AFG2A: variants seen among roughly 807,000 people sequenced by gnomAD.
The protein encoded by AFG2A is ATPase family gene 2 protein homolog A.
chr4:123,121,260 AT>A, the AFG2A span, among the ~76,000 whole-genome samples: 63,594 of 122,788 alleles, frequency 0.52, 14,564 homozygotes, highest in Non-Finnish European at 0.63. Flanking sequence ...AAAAAAAAAA[AT>A]AATAAATAAA....
chr4:123,273,805 T>A, the AFG2A span, among the ~76,000 whole-genome samples: 924 of 152,266 alleles, frequency 6.1e-3, 4 homozygotes, highest in African/African-American at 0.021. Context: ...TAGACTTGGA[T>A]CCCATCCCCA....
At chr4:123,313,572 C>T in the AFG2A span, among the ~76,000 whole-genome samples, 8 of 152,314 alleles carry the variant, frequency 5.3e-5, no homozygotes, top group Non-Finnish European at 8.8e-5. Flanking sequence ...AAAGTATGTG[C>T]GTGCACAGCT....
At chr4:123,055,775 A>G in the AFG2A span, among the ~76,000 whole-genome samples, 1 of 152,162 alleles carries the variant, frequency 6.6e-6, no homozygotes, top group Non-Finnish European at 1.5e-5. Flanking sequence ...ATGTATGAGG[A>G]ACTGTGTCAG....
chr4:123,007,638 AC>A, the AFG2A span, among the ~76,000 whole-genome samples: 2 of 24,460 alleles, frequency 8.2e-5, no homozygotes, highest in East Asian at 2.8e-3. Flanking sequence ...ATACACACAC[AC>A]ACAACACACA....
the AFG2A span, among the ~76,000 whole-genome samples, chr4:123,086,424 A>G: frequency 3.3e-5 from 5 of 152,052 alleles, no homozygotes; most frequent in Non-Finnish European, 7.4e-5. Flanking sequence ...GGTGGTCCCC[A>G]CCCCTCGACA....
the AFG2A span, among the ~76,000 whole-genome samples, chr4:123,303,922 A>G: frequency 2.7e-5 from 4 of 150,376 alleles, no homozygotes; most frequent in Non-Finnish European, 5.9e-5. Context: ...ATAATCCCAG[A>G]TGGATTAATT....
chr4:123,073,319 G>T, the AFG2A span, among the ~76,000 whole-genome samples: 1 of 150,562 alleles, frequency 6.6e-6, no homozygotes, highest in African/African-American at 2.4e-5. Context: ...TTTACTTTTT[G>T]AAACAGTAAA....
At chr4:122,963,034 C>G in the AFG2A span, among the ~76,000 whole-genome samples, 3 of 152,098 alleles carry the variant, frequency 2.0e-5, no homozygotes, top group African/African-American at 7.2e-5. Flanking sequence ...TAGTAGTTAA[C>G]ATGGTGAAGC....
At chr4:123,226,423 G>A in the AFG2A span, among the ~76,000 whole-genome samples, 4 of 151,278 alleles carry the variant, frequency 2.6e-5, no homozygotes, top group Admixed American at 6.6e-5. Context: ...TAGCATGAAG[G>A]GTTGTTGAAT....
At chr4:123,043,041 G>T in the AFG2A span, among the ~76,000 whole-genome samples, 66 of 152,108 alleles carry the variant, frequency 4.3e-4, 1 homozygote. Context: ...TTTAGAAATT[G>T]TTTTAATATT....
chr4:123,280,364 GTT>G, the AFG2A span, among the ~76,000 whole-genome samples: 1 of 152,004 alleles, frequency 6.6e-6, no homozygotes, highest in Admixed American at 6.6e-5. Flanking sequence ...AATTAATAAA[GTT>G]CGGTTCCTTT....
the AFG2A span, chr4:122,934,865 G>A: frequency 8.3e-7 from 1 of 1,211,818 alleles, no homozygotes; most frequent in South Asian, 1.8e-5. Context: ...TATGGTAGAA[G>A]ATTTCAGTTG....
the AFG2A span, among the ~76,000 whole-genome samples, chr4:123,160,179 A>G: frequency 6.6e-6 from 1 of 152,152 alleles, no homozygotes; most frequent in Non-Finnish European, 1.5e-5. Flanking sequence ...GGTTATTTAT[A>G]TGAGATTTTT....
chr4:123,003,892 C>G, the AFG2A span, among the ~76,000 whole-genome samples: 2 of 152,270 alleles, frequency 1.3e-5, no homozygotes, highest in East Asian at 1.9e-4. Flanking sequence ...TTTTGTTTGT[C>G]TGTGCCCTGC....
chr4:123,312,983 T>C, the AFG2A span, among the ~76,000 whole-genome samples: 1 of 152,246 alleles, frequency 6.6e-6, no homozygotes, highest in African/African-American at 2.4e-5. Flanking sequence ...TTTACCAATA[T>C]AAGGGCGCAG....
the AFG2A span, among the ~76,000 whole-genome samples, chr4:123,055,831 A>G: frequency 3.5e-3 from 529 of 152,328 alleles, 2 homozygotes; most frequent in Non-Finnish European, 6.0e-3. Flanking sequence ...GAGGTCATCT[A>G]TCATTATGGG....
chr4:122,952,237 G>A, the AFG2A span, among the ~76,000 whole-genome samples: 1 of 152,178 alleles, frequency 6.6e-6, no homozygotes, highest in Non-Finnish European at 1.5e-5. Flanking sequence ...GTATGTCTCT[G>A]CCTTTGCCAC....
chr4:123,176,339 G>A, the AFG2A span, among the ~76,000 whole-genome samples: 1 of 152,162 alleles, frequency 6.6e-6, no homozygotes, highest in African/African-American at 2.4e-5. Context: ...TCTCAGACCA[G>A]CTCATGATAA....
chr4:123,176,697 A>G, the AFG2A span, among the ~76,000 whole-genome samples: 1 of 152,196 alleles, frequency 6.6e-6, no homozygotes, highest in Non-Finnish European at 1.5e-5. Context: ...ATAGTGTGCT[A>G]TGTAGATTGA....
Sources: gnomAD v4.1 joint callset for allele counts (sites outside exome capture counted in the v4.1 genomes callset) on GRCh38, gnomAD v4.1.1 for gene constraint, MANE v1.5 for transcripts, NCBI Gene and HGNC (gene_info 2026-07-23, HGNC 2026-07-21) for gene names.